Variants in ATP11A observed in about 807,000 individuals in gnomAD.
ATP11A encodes the protein ATPase phospholipid transporting 11A, also known as phospholipid-transporting ATPase IH.
ATP11A carries 81 observed loss-of-function variants against 154.4 expected under a neutral mutation model. The observed-to-expected ratio is 0.52, with a 90% CI of 0.44 to 0.63. The LOEUF is 0.63. Among genes scored for constraint, ATP11A ranks in the 30% least tolerant of loss-of-function variants. ATP11A has a pLI of 0.00. For missense variants in ATP11A, 1,316 were observed against 1,474.3 expected, an observed-to-expected ratio of 0.89 and a Z score of 1.76; for synonymous variants, 623 against 585.9, an observed-to-expected ratio of 1.06 and a Z score of -0.91.
intron 17 of ATP11A, among the ~76,000 whole-genome samples, chr13:112,849,037 C>T (rs1346807689): frequency 6.6e-6 from 1 of 152,146 alleles, no homozygotes; most frequent in African/African-American, 2.4e-5. Context: ...TTTCTTCTCT[C>T]CCCAGTTTAT....
chr13:112,791,934 A>G (rs1015492665), intron 2 of ATP11A, among the ~76,000 whole-genome samples: 4 of 152,204 alleles, frequency 2.6e-5, no homozygotes, highest in Non-Finnish European at 5.9e-5. Flanking sequence ...ACCGGGGTCA[A>G]CAGGCTCTCA....
rs1000378841 is a variant in ATP11A, at chr13:112,885,899, T to TA, written c.*4034dup. On this transcript the variant is annotated 3_prime_UTR_variant, in exon 30 of 30. Coordinates refer to ENST00000375645, the MANE Select transcript of ATP11A (RefSeq NM_015205.3). ...CCGGGGGTGAAGTCGCAGCTTCACTTACACCAGCTGCTCTGTGAGCAAGGC... is the reference window on the plus strand; with the variant it reads ...CCGGGGGTGAAGTCGCAGCTTCACTTAACACCAGCTGCTCTGTGAGCAAGGC... 1.2e-4 allele frequency: 18 copies of TA among 152,426 alleles called. No homozygotes were observed. The highest frequency in any genetic ancestry group is 3.8e-4 in the African/African-American group (16 of 41,602). The allele number at this position is 152,426 out of a possible 1,614,324, so 9.4% of individuals were successfully genotyped here. A position where few individuals can be genotyped will look rare whatever the true frequency, so the allele number is the denominator to read the frequency against.
Position 112,707,356 on chromosome 13 carries a change from A to ACC in ATP11A, c.39+16901_39+16902insCC, listed in dbSNP as rs1403760452. 1.1e-4 allele frequency among the ~76,000 whole-genome samples: 16 copies of ACC among 151,364 alleles called. No individual in the cohort carries two copies. The South Asian group carries it at 1.9e-3, about 18-fold the overall frequency. On this transcript the variant is annotated intron_variant, in intron 1 of 29. Transcript: ENST00000375645. Reference sequence around the variant, plus strand: ...CTTGAACCCAGGAGACAGAGGTTGCAGTGAGCTAAGATCACACCATTGCAC... The same window carrying ACC: ...CTTGAACCCAGGAGACAGAGGTTGCACCGTGAGCTAAGATCACACCATTGCAC...
At chr13:112,770,982 G>T (rs1188163608) in intron 1 of ATP11A, among the ~76,000 whole-genome samples, 1 of 152,196 alleles carries the variant, frequency 6.6e-6, no homozygotes. Context: ...AGTGATTGAG[G>T]CCGGTCGGCT....
chr13:112,703,343 G>C (rs780449113), intron 1 of ATP11A: 3 of 152,140 alleles, frequency 2.0e-5, no homozygotes, highest in Admixed American at 6.5e-5. Context: ...TCATCTAATC[G>C]TAAGTACCTC....
At chr13:112,707,432 A>AAAG (rs1327070833) in intron 1 of ATP11A, among the ~76,000 whole-genome samples, 15 of 151,038 alleles carry the variant, frequency 9.9e-5, no homozygotes, top group Non-Finnish European at 1.6e-4. Flanking sequence ...AAAAAAAAAA[A>AAAG]AAGAAGAAGA....
chr13:112,725,838 G>A (rs1041971829), intron 1 of ATP11A, among the ~76,000 whole-genome samples: 26 of 152,092 alleles, frequency 1.7e-4, no homozygotes, highest in Non-Finnish European at 3.1e-4. Context: ...GTGCAGGTGA[G>A]AACGATAGAA....
intron 2 of ATP11A, among the ~76,000 whole-genome samples, chr13:112,793,065 C>A (rs1206839958): frequency 6.6e-6 from 1 of 152,114 alleles, no homozygotes; most frequent in Non-Finnish European, 1.5e-5. Context: ...CCCTGTGAGC[C>A]CACCAATACT....
At position 112,854,315 on chromosome 13, in the gene ATP11A, G is replaced by C; in HGVS notation, c.2028G>C (p.Leu676=). The change falls in exon 19 of 30, where the codon CTG becomes CTC. Residue 676 remains leucine (L), a synonymous_variant. Coordinates refer to ENST00000375645, the MANE Select transcript of ATP11A (RefSeq NM_015205.3). ...AAGCTGCAGACACCATCGAGGCCCT[G>C]CAGAAGGCCGGGATCAAAGTCTGGG... ...QEKAADTIEA[L]QKAGIKVWVL... is the part of the protein sequence containing the mutation. The C allele has an allele frequency of 1.1e-5, 17 of 1,614,162 alleles. No individual in the cohort carries two copies. The highest frequency in any genetic ancestry group is 1.4e-5 in the Non-Finnish European group (17 of 1,180,032).
At position 112,860,639 on chromosome 13, in the gene ATP11A, C is replaced by T. The variant is rs113691973; in HGVS notation, c.2855+225C>T. 1.4e-4 allele frequency: 67 copies of T among 496,012 alleles called. 1 individual carries two copies. Among genetic ancestry groups the T allele is most frequent in the African/African-American group, 1.0e-3 (53 of 52,344 alleles). The allele number at this position is 496,012 out of a possible 1,614,324, so 30.7% of individuals were successfully genotyped here. ...ATGGTTTATGCTGCATTTGGAACATCTGTGTGGAGCCAGTTTGCACTTTCC... is the reference window on the plus strand; with the variant it reads ...ATGGTTTATGCTGCATTTGGAACATTTGTGTGGAGCCAGTTTGCACTTTCC... On this transcript the variant is annotated intron_variant, in intron 24 of 29. Coordinates refer to ENST00000375645, the MANE Select transcript of ATP11A (RefSeq NM_015205.3).
chr13:112,805,157 T>A, intron 3 of ATP11A, 111 bp downstream of exon 3: 1 of 667,098 alleles, frequency 1.5e-6, no homozygotes. Context: ...ATGGTGCCCC[T>A]CACCTATGAT....
chr13:112,853,306 A>G (rs2079828678), intron 18 of ATP11A, among the ~76,000 whole-genome samples: 1 of 152,142 alleles, frequency 6.6e-6, no homozygotes, highest in Non-Finnish European at 1.5e-5. Flanking sequence ...ATATATATAT[A>G]CACATACATA....
rs2080972421 is a variant in ATP11A, at chr13:112,885,885, G to A, written c.*4019G>A. The A allele has an allele frequency of 6.6e-6, 1 of 152,324 alleles. No individual in the cohort carries two copies. Among genetic ancestry groups the A allele is most frequent in the Non-Finnish European group, 1.5e-5 (1 of 68,082 alleles). 9.4% of individuals were successfully genotyped at this position (152,324 alleles called of 1,614,324 possible). ...TTGCAGAGCAGGCCCCGGGGGTGAA[G>A]TCGCAGCTTCACTTACACCAGCTGC... On this transcript the variant is annotated 3_prime_UTR_variant, in exon 30 of 30. Coordinates refer to ENST00000375645, the MANE Select transcript of ATP11A (RefSeq NM_015205.3).
intron 25 of ATP11A, among the ~76,000 whole-genome samples, chr13:112,867,582 G>A (rs960577753): frequency 5.3e-5 from 8 of 152,226 alleles, no homozygotes; most frequent in Non-Finnish European, 1.2e-4. Context: ...GACCCCTGGC[G>A]TGTCCGCAGT....
At chr13:112,718,137 G>A (rs115718841) in intron 1 of ATP11A, among the ~76,000 whole-genome samples, 108 of 152,012 alleles carry the variant, frequency 7.1e-4, no homozygotes, top group African/African-American at 2.4e-3. Flanking sequence ...CCGCCAAGGC[G>A]TGAACAGGAG....
chr13:112,880,648 A>C (rs1366985466), intron 29 of ATP11A: 1 of 1,292,760 alleles, frequency 7.7e-7, no homozygotes, highest in Admixed American at 2.3e-5. Flanking sequence ...GCTCCACGCT[A>C]GGTAACTGTG....
At chr13:112,761,118 AC>A (rs2076951816) in intron 1 of ATP11A, among the ~76,000 whole-genome samples, 1 of 150,852 alleles carries the variant, frequency 6.6e-6, no homozygotes, top group Non-Finnish European at 1.5e-5. Context: ...GACGCTCCCC[AC>A]CCCCCTTATG....
At chr13:112,774,326 A>G (rs889646852) in intron 1 of ATP11A, among the ~76,000 whole-genome samples, 2 of 152,186 alleles carry the variant, frequency 1.3e-5, no homozygotes, top group African/African-American at 4.8e-5. Flanking sequence ...AGCTTCCGGT[A>G]TCTCCAGTTG....
intron 1 of ATP11A, among the ~76,000 whole-genome samples, chr13:112,702,729 C>T (rs1444034114): frequency 8.6e-6 from 1 of 115,842 alleles, no homozygotes; most frequent in Non-Finnish European, 2.0e-5. Flanking sequence ...AACACGTGTG[C>T]ATGAGAGGAA....
Sources: allele counts gnomAD v4.1 joint callset (sites outside exome capture counted in the v4.1 genomes callset), GRCh38; gene constraint gnomAD v4.1.1; transcripts MANE v1.5; gene names NCBI Gene and HGNC (gene_info 2026-07-23, HGNC 2026-07-21).